The following MDGA2 variants were observed in gnomAD, a reference collection of about 807,000 sequenced individuals.
MDGA2 encodes the protein MAM domain containing glycosylphosphatidylinositol anchor 2.
Under a neutral mutation model 117.8 loss-of-function variants are expected in MDGA2, and 40 were observed. The ratio of observed to expected loss-of-function variants is 0.34; its 90% CI spans 0.26 to 0.44. MDGA2 has a LOEUF of 0.44. MDGA2 is among the 20% of genes least tolerant of loss of function. The pLI, the probability that MDGA2 is intolerant of heterozygous loss-of-function variation, is 1.00. For synonymous variants in MDGA2, 452 were observed against 439.0 expected (o/e 1.03, Z -0.37); for missense variants, 1,123 against 1,250.6 (o/e 0.90, Z 1.54).
At chr14:47,042,672 T>C (rs1034837108) in intron 7 of MDGA2, among the ~76,000 whole-genome samples, 2 of 152,090 alleles carry the variant, frequency 1.3e-5, no homozygotes, top group African/African-American at 2.4e-5. Flanking sequence ...ACTAAATAAT[T>C]TGCGTTTGCA....
At chr14:47,550,081 T>C (rs1251713657) in intron 1 of MDGA2, among the ~76,000 whole-genome samples, 2 of 152,234 alleles carry the variant, frequency 1.3e-5, no homozygotes, top group Non-Finnish European at 2.9e-5. Context: ...TATTGCTTCA[T>C]TGATGTTCTT....
Position 47,506,872 on chromosome 14 carries a change from C to A in MDGA2, c.280+167645G>T, listed in dbSNP as rs1894524065. Among the ~76,000 whole-genome samples the A allele has an allele frequency of 2.0e-5, 3 of 151,828 alleles. 1 individual carries two copies. Among genetic ancestry groups the A allele is most frequent in the Non-Finnish European group, 4.4e-5 (3 of 68,004 alleles). ...GATGGTTTCCTGCAGCAGAGCCAGC[C>A]TAGATCTCTAAAATCCAGAGTTTAT... On this transcript the variant is annotated intron_variant, in intron 1 of 16. Transcript: ENST00000399232.
intron 5 of MDGA2, among the ~76,000 whole-genome samples, chr14:47,105,832 C>G (rs958112097): frequency 6.6e-6 from 1 of 151,840 alleles, no homozygotes; most frequent in Non-Finnish European, 1.5e-5. Context: ...CCCATCTGAC[C>G]TCTCCCCTCC....
chr14:47,501,104 G>A (rs895217748), intron 1 of MDGA2, among the ~76,000 whole-genome samples: 2 of 152,112 alleles, frequency 1.3e-5, no homozygotes, highest in African/African-American at 2.4e-5. Flanking sequence ...ATGATATGAT[G>A]TAACATTTAA....
intron 1 of MDGA2, among the ~76,000 whole-genome samples, chr14:47,490,305 T>C (rs535723280): frequency 1.3e-4 from 20 of 152,212 alleles, no homozygotes; most frequent in East Asian, 9.6e-4. Flanking sequence ...AGCACTAGTA[T>C]GCATATATAG....
intron 1 of MDGA2, among the ~76,000 whole-genome samples, chr14:47,659,477 C>A (rs540454209): frequency 6.6e-6 from 1 of 152,236 alleles, no homozygotes; most frequent in South Asian, 2.1e-4. Flanking sequence ...TTCGTCACAG[C>A]CAAAGACATT....
intron 1 of MDGA2, among the ~76,000 whole-genome samples, chr14:47,503,310 TAA>T (rs34858743): frequency 4.2e-5 from 6 of 142,134 alleles, no homozygotes; most frequent in Admixed American, 1.4e-4. Context: ...TTAGGTATCA[TAA>T]AAAAAAAAAG....
intron 15 of MDGA2, among the ~76,000 whole-genome samples, chr14:46,850,897 T>A (rs1881031288): frequency 1.3e-5 from 2 of 151,844 alleles, no homozygotes; most frequent in African/African-American, 4.8e-5. Flanking sequence ...ATGTTTTCAA[T>A]GGTTAAGTCA....
intron 8 of MDGA2, among the ~76,000 whole-genome samples, chr14:47,015,011 A>G (rs1375172995): frequency 6.6e-6 from 1 of 152,130 alleles, no homozygotes; most frequent in Non-Finnish European, 1.5e-5. Context: ...AACACTTAGA[A>G]GACATTATAG....
chr14:47,000,655 C>G (rs1214937476), intron 8 of MDGA2, among the ~76,000 whole-genome samples: 1 of 151,062 alleles, frequency 6.6e-6, no homozygotes, highest in Admixed American at 6.7e-5. Flanking sequence ...CCTTTGTAAT[C>G]CATAAGTTCA....
chr14:47,090,016 A>G (rs2138942007), intron 6 of MDGA2, among the ~76,000 whole-genome samples: 1 of 152,320 alleles, frequency 6.6e-6, no homozygotes, highest in South Asian at 2.1e-4. Flanking sequence ...AATGTTAAGA[A>G]CTTTTAATCA....
chr14:46,873,142 A>T (rs929178620), intron 14 of MDGA2, among the ~76,000 whole-genome samples: 1 of 151,964 alleles, frequency 6.6e-6, no homozygotes, highest in South Asian at 2.1e-4. Flanking sequence ...AGCCTAAATT[A>T]TGCTGTGTCA....
At chr14:47,548,200 CAT>C (rs752605661) in intron 1 of MDGA2, among the ~76,000 whole-genome samples, 3 of 152,106 alleles carry the variant, frequency 2.0e-5, no homozygotes, top group Non-Finnish European at 2.9e-5. Context: ...TAGTTTATTA[CAT>C]AGTTTCCTTT....
chr14:47,312,693 G>GTTTTTTTTTTTTTTTT (rs375332903), intron 1 of MDGA2, among the ~76,000 whole-genome samples: 51 of 104,356 alleles, frequency 4.9e-4, no homozygotes, highest in Non-Finnish European at 6.3e-4. Flanking sequence ...TTTTTGTTTT[G>GTTTTTTTTTTTTTTTT]TTTTGTTTTT....
At chr14:47,256,835 A>C (rs1887636760) in intron 2 of MDGA2, among the ~76,000 whole-genome samples, 1 of 151,916 alleles carries the variant, frequency 6.6e-6, no homozygotes, top group South Asian at 2.1e-4. Context: ...GAAAGAAGGA[A>C]GGAAGGAAGA....
At chr14:47,559,866 C>A (rs1895762614) in intron 1 of MDGA2, among the ~76,000 whole-genome samples, 1 of 152,058 alleles carries the variant, frequency 6.6e-6, no homozygotes, top group Non-Finnish European at 1.5e-5. Flanking sequence ...AGCCACCATG[C>A]CCAGCCAAGT....
At chr14:47,229,294 A>C (rs1227135784) in intron 2 of MDGA2, among the ~76,000 whole-genome samples, 1 of 152,112 alleles carries the variant, frequency 6.6e-6, no homozygotes, top group Non-Finnish European at 1.5e-5. Context: ...TCCAGGATCC[A>C]ATTTAAATTG....
At chr14:47,325,935 C>T (rs967474129) in intron 1 of MDGA2, among the ~76,000 whole-genome samples, 3 of 152,044 alleles carry the variant, frequency 2.0e-5, no homozygotes, top group African/African-American at 7.2e-5. Flanking sequence ...CTAGGGATAA[C>T]GGGACCAAAT....
At chr14:46,900,341 G>A (rs1315176100) in intron 10 of MDGA2, among the ~76,000 whole-genome samples, 1 of 152,126 alleles carries the variant, frequency 6.6e-6, no homozygotes, top group African/African-American at 2.4e-5. Flanking sequence ...ACACCACTCA[G>A]CAACTGCACT....
Sources: allele counts gnomAD v4.1 joint callset (sites outside exome capture counted in the v4.1 genomes callset), GRCh38; gene constraint gnomAD v4.1.1; transcripts MANE v1.5; gene names NCBI Gene and HGNC (gene_info 2026-07-23, HGNC 2026-07-21).